Variants in MTX2 observed in about 807,000 individuals in gnomAD.
MTX2 encodes metaxin 2, also known as metaxin-2.
In MTX2, 35 loss-of-function variants were observed where a neutral mutation model predicts 42.3. The observed-to-expected ratio is 0.83, with a 90% CI of 0.63 to 1.10. The LOEUF (loss-of-function observed/expected upper bound fraction) is 1.10. MTX2 is among the 50% of genes least tolerant of loss of function. The probability of loss-of-function intolerance (pLI) is 0.00; values close to 1 mark genes in which losing one functional copy is unlikely to be tolerated. For missense variants in MTX2, 307 were observed against 304.1 expected (o/e 1.01, Z -0.07); for synonymous variants, 119 against 100.9 (o/e 1.18, Z -1.08).
At chr2:176,331,042 T>C (rs1684851104) in intron 9 of MTX2, among the ~76,000 whole-genome samples, 1 of 151,168 alleles carries the variant, frequency 6.6e-6, no homozygotes, top group African/African-American at 2.4e-5. Flanking sequence ...TATAGAATGA[T>C]AGCTGGAGGA....
At chr2:176,324,634 T>G (rs900044940) in intron 4 of MTX2, among the ~76,000 whole-genome samples, 5 of 151,712 alleles carry the variant, frequency 3.3e-5, no homozygotes, top group Non-Finnish European at 7.4e-5. Flanking sequence ...AGTAATCTAA[T>G]GCTAAAGTTC....
chr2:176,280,906 A>T (rs554911178), intron 1 of MTX2, among the ~76,000 whole-genome samples: 1 of 152,348 alleles, frequency 6.6e-6, no homozygotes, highest in East Asian at 1.9e-4. Flanking sequence ...TGATCCAGAC[A>T]GTTGTCAGTG....
At chr2:176,323,734 A>T (rs1401635481) in intron 4 of MTX2, among the ~76,000 whole-genome samples, 1 of 151,782 alleles carries the variant, frequency 6.6e-6, no homozygotes, top group African/African-American at 2.4e-5. Context: ...TGTTAAGGAA[A>T]TACATGATCT....
At chr2:176,276,162 G>C (rs1429679709) in intron 1 of MTX2, among the ~76,000 whole-genome samples, 1 of 152,132 alleles carries the variant, frequency 6.6e-6, no homozygotes, top group African/African-American at 2.4e-5. Context: ...ATAATATGAA[G>C]TATCTACATA....
chr2:176,315,514 C>T (rs1019606567), intron 3 of MTX2, among the ~76,000 whole-genome samples: 3 of 152,164 alleles, frequency 2.0e-5, no homozygotes, highest in South Asian at 2.1e-4. Flanking sequence ...AGTTCTCCTG[C>T]TTCAGTGGTT....
chr2:176,301,784 A>C (rs929064450), intron 3 of MTX2, among the ~76,000 whole-genome samples: 4 of 152,194 alleles, frequency 2.6e-5, no homozygotes, highest in African/African-American at 4.8e-5. Flanking sequence ...AATAGTTTAC[A>C]TTAAGGAGTA....
chr2:176,294,761 G>A (rs1558930163), intron 1 of MTX2, among the ~76,000 whole-genome samples: 1 of 152,070 alleles, frequency 6.6e-6, no homozygotes, highest in Non-Finnish European at 1.5e-5. Context: ...TTGGCATATC[G>A]TTTGTTGGAT....
intron 9 of MTX2, among the ~76,000 whole-genome samples, chr2:176,332,287 T>C (rs1684880945): frequency 6.6e-6 from 1 of 151,354 alleles, no homozygotes; most frequent in South Asian, 2.1e-4. Context: ...GTAACTGGTA[T>C]TTCACTTCCT....
chr2:176,311,987 C>T (rs1684323170), intron 3 of MTX2, among the ~76,000 whole-genome samples: 3 of 152,206 alleles, frequency 2.0e-5, no homozygotes, highest in Admixed American at 2.0e-4. Context: ...CTGCGTTGAT[C>T]ATGCTGGGAG....
Position 176,335,274 on chromosome 2 carries a change from C to A in MTX2, c.621-2219C>A, listed in dbSNP as rs550071315. On this transcript the variant is annotated intron_variant, in intron 9 of 9. Transcript: ENST00000249442. The stretch of plus-strand genomic sequence containing the variant: ...TTCCCTAATTGGCTTGAGTTTGTTA[C>A]GTTCAAATGCAAGAAACAAGGCCAG... Among the ~76,000 whole-genome samples the A allele has an allele frequency of 5.0e-4, 76 of 152,044 alleles. No homozygotes were observed. The Middle Eastern group carries it at 0.01, about 20-fold the overall frequency.
chr2:176,278,466 T>C (rs1693001623), intron 1 of MTX2, among the ~76,000 whole-genome samples: 1 of 152,232 alleles, frequency 6.6e-6, no homozygotes, highest in African/African-American at 2.4e-5. Flanking sequence ...ATATGAGTTT[T>C]AATTTACTTA....
intron 4 of MTX2, among the ~76,000 whole-genome samples, chr2:176,325,750 G>A (rs1684692491): frequency 6.6e-6 from 1 of 151,744 alleles, no homozygotes; most frequent in East Asian, 1.9e-4. Context: ...GTGGCCTAAT[G>A]CTTAACCAGA....
chr2:176,289,582 A>G (rs1693280578), intron 1 of MTX2, among the ~76,000 whole-genome samples: 1 of 152,086 alleles, frequency 6.6e-6, no homozygotes, highest in Non-Finnish European at 1.5e-5. Flanking sequence ...GTATAGGGAT[A>G]TATTTCTTCT....
chr2:176,316,325 A>C (rs78715553), intron 3 of MTX2, among the ~76,000 whole-genome samples: 145 of 152,288 alleles, frequency 9.5e-4, no homozygotes, highest in Admixed American at 1.6e-3. Context: ...CCAGAGGAGA[A>C]ATGTCTTTTG....
At chr2:176,274,004 C>T (rs1349287628) in intron 1 of MTX2, among the ~76,000 whole-genome samples, 1 of 151,808 alleles carries the variant, frequency 6.6e-6, no homozygotes, top group Non-Finnish European at 1.5e-5. Context: ...CTTTCCTTGC[C>T]CCTTGCCTGA....
intron 8 of MTX2, among the ~76,000 whole-genome samples, 156 bp from the exon 9 acceptor site, chr2:176,330,428 A>G (rs1232648641): frequency 6.9e-6 from 1 of 145,244 alleles, no homozygotes; most frequent in Admixed American, 6.8e-5. Flanking sequence ...AAAGTATTAT[A>G]TATATATGTG....
chr2:176,292,195 G>A (rs527567785), intron 1 of MTX2, among the ~76,000 whole-genome samples: 1 of 151,974 alleles, frequency 6.6e-6, no homozygotes, highest in Non-Finnish European at 1.5e-5. Flanking sequence ...CTTCCTTTAG[G>A]TGTGTTTAAA....
intron 3 of MTX2, among the ~76,000 whole-genome samples, chr2:176,320,366 A>T (rs4290692): frequency 0.52 from 79,019 of 151,996 alleles, 20,873 homozygotes; most frequent in Admixed American, 0.63. Flanking sequence ...GTAGTTTAGC[A>T]AAATATACTA....
At chr2:176,323,678 G>T (rs1415955962) in intron 4 of MTX2, among the ~76,000 whole-genome samples, 3 of 151,634 alleles carry the variant, frequency 2.0e-5, no homozygotes, top group African/African-American at 7.3e-5. Context: ...GGTTACTGAC[G>T]TGTGGAAATG....
Sources: gnomAD v4.1 joint callset for allele counts (sites outside exome capture counted in the v4.1 genomes callset) on GRCh38, gnomAD v4.1.1 for gene constraint, MANE v1.5 for transcripts, NCBI Gene and HGNC (gene_info 2026-07-23, HGNC 2026-07-21) for gene names.